TMEM132C: variants seen among roughly 807,000 people sequenced by gnomAD.
TMEM132C encodes protein phosphatase 1, regulatory subunit 152.
Under a neutral mutation model 61.4 loss-of-function variants are expected in TMEM132C, and 29 were observed. The observed-to-expected ratio is 0.47, with a 90% CI of 0.35 to 0.64. The LOEUF is 0.64. TMEM132C is among the 30% of genes least tolerant of loss of function. The pLI is 0.00. For synonymous variants in TMEM132C, 656 were observed against 633.1 expected, an observed-to-expected ratio of 1.04 and a Z score of -0.54; for missense variants, 1,408 against 1,476.9, an observed-to-expected ratio of 0.95 and a Z score of 0.76.
At chr12:128,702,051 C>T (rs988732152) in intron 8 of TMEM132C, among the ~76,000 whole-genome samples, 1 of 151,994 alleles carries the variant, frequency 6.6e-6, no homozygotes, top group African/African-American at 2.4e-5. Flanking sequence ...AGGCACCCAC[C>T]ACCATGCTCT....
intron 1 of TMEM132C, among the ~76,000 whole-genome samples, chr12:128,292,948 A>ATG (rs549401224): frequency 0.021 from 2,841 of 138,470 alleles, 88 homozygotes; most frequent in African/African-American, 0.067. Flanking sequence ...TGGTGTAGGT[A>ATG]TGTGTATGTG....
At chr12:128,481,240 C>T (rs1018870465) in intron 2 of TMEM132C, among the ~76,000 whole-genome samples, 5 of 152,176 alleles carry the variant, frequency 3.3e-5, no homozygotes, top group African/African-American at 1.2e-4. Flanking sequence ...TAGCTGTGAC[C>T]CAGACACTCA....
intron 3 of TMEM132C, among the ~76,000 whole-genome samples, chr12:128,606,773 T>A (rs1009517213): frequency 4.6e-5 from 7 of 152,158 alleles, no homozygotes; most frequent in Non-Finnish European, 1.0e-4. Flanking sequence ...CTTGCCCTCA[T>A]GCCAAGCGAC....
chr12:128,658,534 A>G (rs1954352853), intron 4 of TMEM132C, among the ~76,000 whole-genome samples: 1 of 151,346 alleles, frequency 6.6e-6, no homozygotes, highest in Admixed American at 6.6e-5. Context: ...CTGTTCATAT[A>G]CTTTTCCTTT....
At chr12:128,483,179 G>A (rs1471162498) in intron 2 of TMEM132C, among the ~76,000 whole-genome samples, 6 of 149,888 alleles carry the variant, frequency 4.0e-5, no homozygotes, top group East Asian at 3.9e-4. Context: ...GAGGTGGGGC[G>A]ATTGCTTGAG....
At chr12:128,525,950 G>A (rs1004387194) in intron 2 of TMEM132C, among the ~76,000 whole-genome samples, 1 of 152,128 alleles carries the variant, frequency 6.6e-6, no homozygotes, top group African/African-American at 2.4e-5. Flanking sequence ...ACAATGGCAC[G>A]ACCTCCACGG....
At chr12:128,295,514 T>A (rs1871378366) in intron 1 of TMEM132C, among the ~76,000 whole-genome samples, 1 of 151,700 alleles carries the variant, frequency 6.6e-6, no homozygotes, top group African/African-American at 2.4e-5. Context: ...GAAACTGTGA[T>A]GTCCAGGGCG....
At position 128,659,636 on chromosome 12, in the gene TMEM132C, C is replaced by G. The variant is rs115909272; in HGVS notation, c.1306-9781C>G. 7.5e-3 allele frequency among the ~76,000 whole-genome samples: 1,140 copies of G among 152,276 alleles called. 17 individuals carry two copies. The highest frequency in any genetic ancestry group is 0.026 in the African/African-American group (1,089 of 41,548). ...AGAAAATCCATGGATTTGGGAGGCA[C>G]TCACAGGAATGGACTGCTTCTCTGG... On this transcript the variant is annotated intron_variant, in intron 4 of 8. Coordinates refer to ENST00000435159, the MANE Select transcript of TMEM132C (RefSeq NM_001136103.3).
chr12:128,268,897 G>A (rs1440520277), intron 1 of TMEM132C, among the ~76,000 whole-genome samples: 3 of 131,722 alleles, frequency 2.3e-5, no homozygotes, highest in African/African-American at 8.8e-5. Context: ...GGGGGGGGAA[G>A]AAGGAGTGAG....
intron 8 of TMEM132C, among the ~76,000 whole-genome samples, chr12:128,699,336 G>A (rs1954787925): frequency 6.6e-6 from 1 of 152,200 alleles, no homozygotes; most frequent in Non-Finnish European, 1.5e-5. Context: ...TCAGAAGGCT[G>A]AAATCACAGT....
chr12:128,585,370 C>G (rs1271654274), intron 3 of TMEM132C, among the ~76,000 whole-genome samples: 1 of 152,088 alleles, frequency 6.6e-6, no homozygotes, highest in Non-Finnish European at 1.5e-5. Flanking sequence ...GCCATTCTTG[C>G]AGGAGTGTGT....
intron 1 of TMEM132C, among the ~76,000 whole-genome samples, chr12:128,291,920 G>A (rs1871258228): frequency 6.6e-6 from 1 of 152,174 alleles, no homozygotes; most frequent in Non-Finnish European, 1.5e-5. Flanking sequence ...AGGAACCCCG[G>A]CTGACCGGAG....
intron 1 of TMEM132C, among the ~76,000 whole-genome samples, chr12:128,410,031 AC>A (rs1250360466): frequency 6.6e-6 from 1 of 152,190 alleles, no homozygotes; most frequent in African/African-American, 2.4e-5. Flanking sequence ...TTTTTGAGTA[AC>A]ATGGGAAAAA....
At chr12:128,600,137 T>A (rs537305221) in intron 3 of TMEM132C, among the ~76,000 whole-genome samples, 1 of 152,048 alleles carries the variant, frequency 6.6e-6, no homozygotes, top group African/African-American at 2.4e-5. Context: ...CGCCCGCCAC[T>A]GCGCCCGGCT....
rs200196573 is a variant in TMEM132C at position 128,568,631 on chromosome 12, C to G, written c.1121+24528C>G. On this transcript the variant is annotated intron_variant, in intron 3 of 8. Transcript: ENST00000435159. ...AAATGCTCCAAGGTCACACAGCTGG[C>G]AAGTGGCAGAGTGGGGATTTCAACT... is the stretch of plus-strand genomic sequence containing the variant. Among the ~76,000 whole-genome samples, 12 of 152,236 alleles carry G rather than the reference C, an allele frequency of 7.9e-5. No homozygotes were observed. In the East Asian group the frequency reaches 2.3e-3, roughly 29 times the overall value.
At chr12:128,603,124 A>G (rs564333067) in intron 3 of TMEM132C, among the ~76,000 whole-genome samples, 11 of 152,292 alleles carry the variant, frequency 7.2e-5, no homozygotes, top group Admixed American at 4.6e-4. Flanking sequence ...TCTTCATGAC[A>G]CATTGGCTTC....
chr12:128,527,168 C>A (rs1433745035), intron 2 of TMEM132C, among the ~76,000 whole-genome samples: 1 of 152,164 alleles, frequency 6.6e-6, no homozygotes, highest in Middle Eastern at 3.2e-3. Flanking sequence ...AATTGGAAAG[C>A]AACCATGGAT....
chr12:128,616,050 T>C, intron 3 of TMEM132C, 102 bp from the exon 4 acceptor site: 1 of 1,375,690 alleles, frequency 7.3e-7, no homozygotes, highest in South Asian at 1.5e-5. Flanking sequence ...GAGCCATCCC[T>C]GAGATGTGTT....
chr12:128,693,075 G>A (rs1954731575), intron 5 of TMEM132C, among the ~76,000 whole-genome samples: 1 of 152,188 alleles, frequency 6.6e-6, no homozygotes. Context: ...CCCCTGAGCT[G>A]GGGTAGGTCA....
Sources: allele counts gnomAD v4.1 joint callset (sites outside exome capture counted in the v4.1 genomes callset), GRCh38; gene constraint gnomAD v4.1.1; transcripts MANE v1.5; gene names NCBI Gene and HGNC (gene_info 2026-07-23, HGNC 2026-07-21).